DIPK1A: variants seen among roughly 807,000 people sequenced by gnomAD.
The protein encoded by DIPK1A is divergent protein kinase domain 1A, also known as family with sequence similarity 69 member A.
A neutral mutation model predicts 40.8 loss-of-function variants in DIPK1A; 27 were observed. That is an observed-to-expected ratio of 0.66 (90% CI 0.49 to 0.91). The LOEUF (loss-of-function observed/expected upper bound fraction) is 0.91, where lower values mean the gene tolerates loss of function less well. DIPK1A is among the 40% of genes least tolerant of loss of function. The pLI is 0.00. For missense variants in DIPK1A, 412 were observed against 505.7 expected (o/e 0.81, Z 1.78); for synonymous variants, 166 against 171.3 (o/e 0.97, Z 0.24).
chr1:92,956,090 G>A (rs555862949), intron 1 of DIPK1A, among the ~76,000 whole-genome samples: 11 of 151,918 alleles, frequency 7.2e-5, no homozygotes, highest in African/African-American at 2.7e-4. Context: ...AAAGGAGGGA[G>A]GCTATTCATG....
intron 1 of DIPK1A, among the ~76,000 whole-genome samples, chr1:92,893,341 C>T (rs1384388435): frequency 1.3e-5 from 2 of 151,652 alleles, no homozygotes; most frequent in Non-Finnish European, 2.9e-5. Flanking sequence ...GAGTGGGGGC[C>T]AATATTCAAC....
intron 1 of DIPK1A, among the ~76,000 whole-genome samples, chr1:92,927,992 G>T (rs922431551): frequency 2.0e-5 from 3 of 152,130 alleles, no homozygotes; most frequent in African/African-American, 7.2e-5. Flanking sequence ...GAACTGCTGG[G>T]TCTTGTGTAA....
At chr1:92,929,472 T>C (rs944703852) in intron 1 of DIPK1A, among the ~76,000 whole-genome samples, 1 of 152,214 alleles carries the variant, frequency 6.6e-6, no homozygotes, top group Admixed American at 6.5e-5. Context: ...TTTCTGCATC[T>C]CCTCCCCTTC....
At chr1:92,853,189 T>C (rs148541661) in intron 2 of DIPK1A, among the ~76,000 whole-genome samples, 1 of 152,266 alleles carries the variant, frequency 6.6e-6, no homozygotes, top group Non-Finnish European at 1.5e-5. Flanking sequence ...ACCATGTCCA[T>C]ATGAAGGAGA....
At chr1:92,883,641 G>A (rs1288648238) in intron 1 of DIPK1A, among the ~76,000 whole-genome samples, 3 of 152,142 alleles carry the variant, frequency 2.0e-5, no homozygotes, top group African/African-American at 4.8e-5. Flanking sequence ...TGGCTAGCTG[G>A]GATTCTTCAA....
intron 1 of DIPK1A, among the ~76,000 whole-genome samples, chr1:92,898,392 A>G (rs1182058736): frequency 6.6e-6 from 1 of 152,122 alleles, no homozygotes; most frequent in Non-Finnish European, 1.5e-5. Context: ...TTCATGAGAG[A>G]TCCACCCCCA....
In DIPK1A at chr1:92,877,136, G is replaced by A. The variant is rs72968072; in HGVS notation, c.55-706C>T. On this transcript the variant is annotated intron_variant, in intron 1 of 4. Coordinates refer to ENST00000370310, the MANE Select transcript of DIPK1A (RefSeq NM_001006605.5). ...TGCAAAGTGTAAAGCTGCACAATAG[G>A]ATCCTCTTTGCATTGTTTTGTTTCC... 6.4e-3 allele frequency: 6,298 copies of A among 985,282 alleles called. 328 individuals are homozygous for A. The African/African-American group carries it at 0.1, about 16-fold the overall frequency. The allele number at this position is 985,282 out of a possible 1,614,324, so 61.0% of individuals were successfully genotyped here.
At chr1:92,857,351 C>G (rs1256614512) in intron 2 of DIPK1A, among the ~76,000 whole-genome samples, 1 of 139,332 alleles carries the variant, frequency 7.2e-6, no homozygotes, top group Non-Finnish European at 1.5e-5. Context: ...GATGGAGTTT[C>G]GCTTTTGTCA....
intron 1 of DIPK1A, among the ~76,000 whole-genome samples, chr1:92,887,285 G>C (rs137888352): frequency 0.021 from 3,129 of 150,734 alleles, 84 homozygotes; most frequent in African/African-American, 0.058. Context: ...AATTAGCTAG[G>C]CATAGTGGCA....
chr1:92,840,394 G>A (rs1250860833), downstream of DIPK1A: 1 of 643,716 alleles, frequency 1.6e-6, no homozygotes, highest in African/African-American at 1.8e-5. Flanking sequence ...GTTAGGAAAA[G>A]GTGAGTTACA....
intron 2 of DIPK1A, among the ~76,000 whole-genome samples, chr1:92,871,242 T>C (rs1647833692): frequency 6.6e-6 from 1 of 152,218 alleles, no homozygotes; most frequent in Non-Finnish European, 1.5e-5. Context: ...CTTGGCTCAC[T>C]GCAACCTCCT....
Position 92,842,247 on chromosome 1 carries a change from G to A in DIPK1A, c.*1136C>T, listed in dbSNP as rs1258329143. On this transcript the variant is annotated 3_prime_UTR_variant, in exon 5 of 5. Coordinates refer to ENST00000370310, the MANE Select transcript of DIPK1A (RefSeq NM_001006605.5). ...GTAAACAAAACTGGTGCTAATCCATGGCGTTGAAGGAAAGTTTTGAGAGAA... is the reference window on the plus strand; with the variant it reads ...GTAAACAAAACTGGTGCTAATCCATAGCGTTGAAGGAAAGTTTTGAGAGAA... 1.4e-5 allele frequency: 14 copies of A among 989,290 alleles called. No individual in the cohort carries two copies. Among genetic ancestry groups the A allele is most frequent in the Non-Finnish European group, 1.7e-5 (14 of 832,634 alleles). 61.3% of individuals were successfully genotyped at this position (989,290 alleles called of 1,614,324 possible).
At chr1:92,931,751 T>C (rs1483857666) in intron 1 of DIPK1A, 1 of 166,020 alleles carries the variant, frequency 6.0e-6, no homozygotes, top group South Asian at 1.4e-4. Context: ...AACGTATAAA[T>C]TGGAGGTTCT....
intron 4 of DIPK1A, chr1:92,836,649 C>T: frequency 2.1e-6 from 1 of 484,574 alleles, no homozygotes; most frequent in East Asian, 4.1e-5. Flanking sequence ...AAACCACTAC[C>T]TTTTGCATAT....
At chr1:92,842,065 G>T, downstream of DIPK1A, 1 of 787,614 alleles carries the variant, frequency 1.3e-6, no homozygotes, top group Non-Finnish European at 1.8e-6. Flanking sequence ...GTTATTTCTT[G>T]GGCTTCTGTT....
Position 92,959,903 on chromosome 1 carries a change from CTTTTTTTTTTTT to C in DIPK1A, c.54+1461_54+1472del, listed in dbSNP as rs1157142089. Among the ~76,000 whole-genome samples the C allele has an allele frequency of 2.1e-3, 100 of 47,876 alleles. 2 individuals are homozygous for C. The highest frequency in any genetic ancestry group is 0.026 in the Middle Eastern group (1 of 38). 31.4% of individuals were successfully genotyped at this position (47,876 alleles called of 152,430 possible). On this transcript the variant is annotated intron_variant, in intron 1 of 4. Coordinates refer to ENST00000370310, the MANE Select transcript of DIPK1A (RefSeq NM_001006605.5). Reference sequence around the variant, plus strand: ...GCTGGGACCACAGGCACCCAACCAACTTTTTTTTTTTTTTTTTTTTTTTTGTATTTTTAGTAG... The same window carrying C: ...GCTGGGACCACAGGCACCCAACCAACTTTTTTTTTTTTGTATTTTTAGTAG...
At chr1:92,853,901 T>C (rs1687901569) in intron 2 of DIPK1A, among the ~76,000 whole-genome samples, 4 of 152,308 alleles carry the variant, frequency 2.6e-5, no homozygotes, top group Admixed American at 2.0e-4. Context: ...TGTTTTGTTT[T>C]TTTGAGACAG....
At chr1:92,885,493 T>C (rs1366342507) in intron 1 of DIPK1A, among the ~76,000 whole-genome samples, 1 of 152,112 alleles carries the variant, frequency 6.6e-6, no homozygotes, top group Non-Finnish European at 1.5e-5. Flanking sequence ...GTAGCTGGGA[T>C]TACAGGTGTG....
chr1:92,918,935 T>G (rs1312621475), intron 1 of DIPK1A, among the ~76,000 whole-genome samples: 1 of 152,170 alleles, frequency 6.6e-6, no homozygotes, highest in Non-Finnish European at 1.5e-5. Context: ...CCACCGCTGA[T>G]CCGGCAGGAG....
Sources: allele counts gnomAD v4.1 joint callset (sites outside exome capture counted in the v4.1 genomes callset), GRCh38; gene constraint gnomAD v4.1.1; transcripts MANE v1.5; gene names NCBI Gene and HGNC (gene_info 2026-07-23, HGNC 2026-07-21).